ATP8B3: variants seen among roughly 807,000 people sequenced by gnomAD.
The protein encoded by ATP8B3 is phospholipid-transporting ATPase IK.
Under a neutral mutation model 140.9 loss-of-function variants are expected in ATP8B3, and 141 were observed. That is an observed-to-expected ratio of 1.00 (90% CI 0.87 to 1.15). ATP8B3 has a LOEUF of 1.15. Ranked by LOEUF, ATP8B3 falls within the 50% of genes most tolerant of loss-of-function variation. ATP8B3 has a pLI of 0.00. For missense variants in ATP8B3, 1,874 were observed against 1,740.6 expected (o/e 1.08, Z -1.36); for synonymous variants, 765 against 714.6 (o/e 1.07, Z -1.13).
In ATP8B3 at chr19:1,789,052, G is replaced by A. The variant is rs752359494; in HGVS notation, c.2914C>T (p.Leu972Phe). 6.2e-6 allele frequency: 10 copies of A among 1,604,236 alleles called. No homozygotes were observed. The African/African-American group carries it at 1.2e-4, about 19-fold the overall frequency. ...CGCTGCAGGAAGCAGAACTGGCCGA[G>A]CACGAAGTCGCTGTTCTGAACTGCC... Reference protein sequence around the residue: ...MQAVQNSDFVLGQFCFLQRLL... With the variant: ...MQAVQNSDFVFGQFCFLQRLL... The change falls in exon 24 of 29, where the codon CTC (leucine) becomes TTC (phenylalanine). Residue 972 changes from leucine (L) to phenylalanine (F), a missense_variant. This residue lies in a region of ATP8B3 where 840 missense variants were observed against 760.9 expected (regional missense o/e 1.10). Transcript: ENST00000310127.
chr19:1,791,389 A>ATT lies in ATP8B3; in HGVS notation c.2302+359_2302+360dup, dbSNP rs34511191. ...ACTGCGCTCCTCTGAGAGTTGCAGC[A>ATT]TTTTTTTTTTTTTTTTGAGACAGAG... is the stretch of plus-strand genomic sequence containing the variant. On this transcript the variant is annotated intron_variant, in intron 20 of 28. Coordinates refer to ENST00000310127, the MANE Select transcript of ATP8B3 (RefSeq NM_138813.4). 6.0e-4 allele frequency among the ~76,000 whole-genome samples: 81 copies of ATT among 135,354 alleles called. 2 individuals are homozygous for ATT. In the South Asian group the frequency reaches 0.018, roughly 30 times the overall value. 88.8% of individuals were successfully genotyped at this position (135,354 alleles called of 152,430 possible). A position where few individuals can be genotyped will look rare whatever the true frequency, so the allele number is the denominator to read the frequency against.
At chr19:1,797,055 G>A (rs374095333) in intron 14 of ATP8B3, 50 bp from the exon 15 acceptor site, 37 of 1,611,664 alleles carry the variant, frequency 2.3e-5, no homozygotes, top group East Asian at 8.9e-5. Context: ...CCCCCCATTC[G>A]GGATCCCATA....
At position 1,800,039 on chromosome 19, in the gene ATP8B3, C is replaced by A. The variant is rs552623956; in HGVS notation, c.1460G>T (p.Gly487Val). ...GTCCGAGAAGATGTATTCCACCTGGCCCAGGTGGTCGTTGAGGCTGGTGCT... is the reference window on the plus strand; with the variant it reads ...GTCCGAGAAGATGTATTCCACCTGGACCAGGTGGTCGTTGAGGCTGGTGCT... ...ARSTSLNDHL[G>V]QVEYIFSDKT... The change falls in exon 14 of 29, where the codon GGC (glycine) becomes GTC (valine). Residue 487 changes from glycine (G) to valine (V), a missense_variant. Gly to Val is a moderately radical substitution (Grantham distance 109, BLOSUM62 -3). Around this residue, in one of 3 missense-constraint regions of ATP8B3, gnomAD observed 1,032 missense variants for 963.6 expected, o/e 1.07. Transcript: ENST00000310127. This position sits in a 1 kb window ranked among gnomAD's most constrained non-coding sequence, Gnocchi z 4.4. 6.9e-6 allele frequency: 11 copies of A among 1,601,322 alleles called. No homozygotes were observed. The Admixed American group carries it at 8.6e-5, about 12-fold the overall frequency.
At position 1,783,056 on chromosome 19, in the gene ATP8B3, G is replaced by T. The variant is rs758245611; in HGVS notation, c.3875C>A (p.Ala1292Glu). The change falls in exon 29 of 29, where the codon GCA becomes GAA. Residue 1292 changes from alanine (A) to glutamate (E), a missense_variant. Ala to Glu is a moderately radical substitution (Grantham distance 107). This residue lies in a region of ATP8B3 where 840 missense variants were observed against 760.9 expected (regional missense o/e 1.10). Coordinates refer to ENST00000310127, the MANE Select transcript of ATP8B3 (RefSeq NM_138813.4). ...CTGTGACTCTTTTGGGCTCGAAGCT[G>T]CCTCTTCATCAGATGGGTCTAGGGA... ...SESLDPSDEE[A>E]ASSPKESQ 3.1e-6 allele frequency: 5 copies of T among 1,611,242 alleles called. No homozygotes were observed. The African/African-American group carries it at 6.7e-5, about 22-fold the overall frequency.
rs527865777 is a variant in ATP8B3, at chr19:1,789,179, C to G, written c.2846-59G>C. 5.9e-5 allele frequency: 69 copies of G among 1,164,870 alleles called. 1 individual carries two copies. The highest frequency in any genetic ancestry group is 7.8e-5 in the Non-Finnish European group (67 of 857,298). 72.2% of individuals were successfully genotyped at this position (1,164,870 alleles called of 1,614,324 possible). On this transcript the variant is annotated intron_variant, in intron 23 of 28. Transcript: ENST00000310127. Reference sequence around the variant, plus strand: ...ACGCCCCCAGTCCCGCCCGCCCCCCCAGACCCCCGCACTGTTCTGCCCCCT... The same window carrying G: ...ACGCCCCCAGTCCCGCCCGCCCCCCGAGACCCCCGCACTGTTCTGCCCCCT...
intron 18 of ATP8B3, among the ~76,000 whole-genome samples, chr19:1,792,351 A>C (rs1237706068): frequency 6.6e-6 from 1 of 152,154 alleles, no homozygotes; most frequent in Non-Finnish European, 1.5e-5. Context: ...AGGCTGAGGC[A>C]GGCGGATCAT....
intron 22 of ATP8B3, 79 bp from the exon 23 acceptor site, chr19:1,789,806 C>A: frequency 6.3e-7 from 1 of 1,578,260 alleles, no homozygotes; most frequent in African/African-American, 1.3e-5. Flanking sequence ...TCGGCCTCGC[C>A]AGCAGTCCCC....
rs1488136066 is a variant in ATP8B3 at position 1,811,533 on chromosome 19, C to T, written c.204G>A (p.Lys68=). ...ACTTCCTAGCCCGGCCAGGCTGGGC[C>T]TTGTGCCTCCTCTCAGGTGCCCCTC... is the stretch of plus-strand genomic sequence containing the variant. ...PGRGAPERRH[K]AQPGRARKYE... The change falls in exon 2 of 29, where the codon AAG becomes AAA. Residue 68 remains lysine (K), a synonymous_variant. Coordinates refer to ENST00000310127, the MANE Select transcript of ATP8B3 (RefSeq NM_138813.4). 1 of 1,612,292 alleles carries T rather than the reference C, an allele frequency of 6.2e-7. No homozygotes were observed.
At position 1,785,150 on chromosome 19, in the gene ATP8B3, G is replaced by A. The variant is rs1283939816; in HGVS notation, c.3532+9C>T. 4.5e-6 allele frequency: 7 copies of A among 1,553,966 alleles called. No individual in the cohort carries two copies. The Admixed American group carries it at 1.2e-4, about 27-fold the overall frequency. On this transcript the variant is annotated intron_variant, in intron 27 of 28. Coordinates refer to ENST00000310127, the MANE Select transcript of ATP8B3 (RefSeq NM_138813.4). ...CGACCGCCCGTCCCACTTCCCCATG[G>A]GGGCTCACACAGAAACGGGAAGGTC...
rs377559270 is a variant in ATP8B3 at position 1,808,342 on chromosome 19, C to A, written c.403-7G>T. 26 of 1,606,244 alleles carry A rather than the reference C, an allele frequency of 1.6e-5. No homozygotes were observed. Among genetic ancestry groups the A allele is most frequent in the Non-Finnish European group, 2.1e-5 (25 of 1,175,272 alleles). On this transcript the variant is annotated splice_polypyrimidine_tract_variant and splice_region_variant and intron_variant, in intron 4 of 28. Coordinates refer to ENST00000310127, the MANE Select transcript of ATP8B3 (RefSeq NM_138813.4). ...CCGTGCGGATGACATTGGTCTGGAA[C>A]GAGAGCCGCGGGCTGCCTGGCAGAG... is the stretch of plus-strand genomic sequence containing the variant.
At chr19:1,804,595 G>A (rs993313031) in intron 10 of ATP8B3, among the ~76,000 whole-genome samples, 11 of 150,040 alleles carry the variant, frequency 7.3e-5, no homozygotes, top group East Asian at 2.0e-4. Flanking sequence ...GCAACAGAGC[G>A]AGACTCCGTC....
chr19:1,798,429 G>A (rs1032669075), intron 14 of ATP8B3, among the ~76,000 whole-genome samples: 6 of 152,010 alleles, frequency 3.9e-5, no homozygotes, highest in African/African-American at 1.5e-4. Flanking sequence ...GAAAAAAAAT[G>A]ACTAGAATAA....
At position 1,782,157 on chromosome 19, in the gene ATP8B3, C is replaced by A. The variant is rs537040541; in HGVS notation, c.*871G>T. On this transcript the variant is annotated 3_prime_UTR_variant, in exon 29 of 29. Coordinates refer to ENST00000310127, the MANE Select transcript of ATP8B3 (RefSeq NM_138813.4). ...CTTGTCTTTAGAGGAAGGCCCCCTG[C>A]ATGCTGGTTGACTTGCAGCAGAACT... 48 of 211,398 alleles carry A rather than the reference C, an allele frequency of 2.3e-4. No individual in the cohort carries two copies. The highest frequency in any genetic ancestry group is 1.0e-3 in the African/African-American group (44 of 43,034). The allele number at this position is 211,398 out of a possible 1,614,324, so 13.1% of individuals were successfully genotyped here.
intron 24 of ATP8B3, among the ~76,000 whole-genome samples, chr19:1,788,346 C>A (rs2068372179): frequency 6.6e-6 from 1 of 152,162 alleles, no homozygotes; most frequent in African/African-American, 2.4e-5. Context: ...GCAGTGCCTG[C>A]CCTTGCTTGA....
rs111347841 is a variant in ATP8B3, at chr19:1,797,177, A to G, written c.1553-172T>C. ...CAATCTTGGGGCGAAAGCTGACCTC[A>G]GTTTCCACCACCTGCAGAAAGCGGG... is the stretch of plus-strand genomic sequence containing the variant. On this transcript the variant is annotated intron_variant, in intron 14 of 28. Coordinates refer to ENST00000310127, the MANE Select transcript of ATP8B3 (RefSeq NM_138813.4). 5.6e-3 allele frequency among the ~76,000 whole-genome samples: 847 copies of G among 152,308 alleles called. 6 individuals are homozygous for G. Among genetic ancestry groups the G allele is most frequent in the African/African-American group, 0.018 (748 of 41,556 alleles).
At position 1,809,617 on chromosome 19, in the gene ATP8B3, A is replaced by G. The variant is rs766936090; in HGVS notation, c.402+26T>C. On this transcript the variant is annotated intron_variant, in intron 4 of 28. Transcript: ENST00000310127. ...GGTACCACGGCAGCTCCTCTGGAGC[A>G]GGGAGGCGCGGGAGGGGCCGCCCAC... is the stretch of plus-strand genomic sequence containing the variant. 10 of 1,573,624 alleles carry G rather than the reference A, an allele frequency of 6.4e-6. No individual in the cohort carries two copies. The Admixed American group carries it at 1.3e-4, about 20-fold the overall frequency.
Position 1,791,991 on chromosome 19 carries a change from C to G in ATP8B3, c.2190+10G>C, listed in dbSNP as rs551772462. On this transcript the variant is annotated intron_variant, in intron 19 of 28. Transcript: ENST00000310127. Reference sequence around the variant, plus strand: ...CCCACCCTGAGGTCCTGCTCCATCTCGTTGTACACCTGTTGCAGGGCCTGT... The same window carrying G: ...CCCACCCTGAGGTCCTGCTCCATCTGGTTGTACACCTGTTGCAGGGCCTGT... The G allele has an allele frequency of 2.0e-6, 3 of 1,522,180 alleles. No homozygotes were observed. Among genetic ancestry groups the G allele is most frequent in the African/African-American group, 1.4e-5 (1 of 72,328 alleles). The allele number at this position is 1,522,180 out of a possible 1,614,324, so 94.3% of individuals were successfully genotyped here.
chr19:1,786,800 CAG>C (rs1406467748), intron 25 of ATP8B3, among the ~76,000 whole-genome samples: 1 of 151,724 alleles, frequency 6.6e-6, no homozygotes, highest in Non-Finnish European at 1.5e-5. Context: ...ATAAACCTAG[CAG>C]AGTCATCTGC....
chr19:1,797,507 T>C (rs995166086), intron 14 of ATP8B3, among the ~76,000 whole-genome samples: 2 of 131,314 alleles, frequency 1.5e-5, no homozygotes, highest in African/African-American at 5.9e-5. Context: ...TTTATTTATT[T>C]ATTTATTTTT....
Sources: gnomAD v4.1 joint callset for allele counts (sites outside exome capture counted in the v4.1 genomes callset) on GRCh38, gnomAD v4.1.1 for gene constraint, gnomAD v4.1.1 regional missense constraint, Gnocchi (gnomAD v3.1) non-coding constraint, MANE v1.5 for transcripts, NCBI Gene and HGNC (gene_info 2026-07-23, HGNC 2026-07-21) for gene names.